The following MCFD2 variants were observed in gnomAD, a reference collection of about 807,000 sequenced individuals.
The protein encoded by MCFD2 is multiple coagulation factor deficiency 2, ER cargo receptor complex subunit.
A neutral mutation model predicts 12.8 loss-of-function variants in MCFD2; 11 were observed. That is an observed-to-expected ratio of 0.86 (90% CI 0.54 to 1.42). The LOEUF is 1.42. Among genes scored for constraint, MCFD2 ranks in the 40% most tolerant of loss-of-function variants. The pLI is 0.00. For synonymous variants in MCFD2, 70 were observed against 68.1 expected, an observed-to-expected ratio of 1.03 and a Z score of -0.14; for missense variants, 191 against 178.6, an observed-to-expected ratio of 1.07 and a Z score of -0.40.
chr2:46,905,334 G>A lies in MCFD2; in HGVS notation c.*129C>T, dbSNP rs1290748725. ...TTATCTCTTCTCACCCCAGTGTAAC[G>A]AATCGCTACAGGTTTTTACCAAAAT... On this transcript the variant is annotated 3_prime_UTR_variant, in exon 4 of 4. Transcript: ENST00000319466. The A allele has an allele frequency of 5.1e-6, 5 of 982,124 alleles. No homozygotes were observed. Among genetic ancestry groups the A allele is most frequent in the South Asian group, 2.6e-5 (2 of 77,116 alleles). The allele number at this position is 982,124 out of a possible 1,614,324, so 60.8% of individuals were successfully genotyped here.
chr2:46,917,290 G>A, upstream of MCFD2: 2 of 660,754 alleles, frequency 3.0e-6, no homozygotes. Context: ...GAGCCACCGC[G>A]CCGGGACAAA....
chr2:46,915,652 G>T, intron 1 of MCFD2, 71 bp downstream of exon 1: 1 of 545,128 alleles, frequency 1.8e-6, no homozygotes, highest in Non-Finnish European at 2.3e-6. Context: ...CTCATCTTGA[G>T]CCCAAGCCTC....
At chr2:46,916,154 C>A (rs566906542), upstream of MCFD2, 6 of 985,536 alleles carry the variant, frequency 6.1e-6, no homozygotes, top group African/African-American at 8.7e-5. Context: ...CTCCGCTCAC[C>A]CCCTCCTATA....
intron 1 of MCFD2, among the ~76,000 whole-genome samples, chr2:46,932,657 T>G (rs893519646): frequency 6.6e-6 from 1 of 151,884 alleles, no homozygotes; most frequent in East Asian, 1.9e-4. Context: ...TCCCAGCAAT[T>G]TGGGAGGCCA....
At position 46,941,796 on chromosome 2, in the gene MCFD2, C is replaced by T; in HGVS notation, c.-232G>A. Reference sequence around the variant, plus strand: ...CGCACCGCCTCCTCCAGGAAGCGCGCCCAGACAGTCCTCGGCCGACAGCGG... The same window carrying T: ...CGCACCGCCTCCTCCAGGAAGCGCGTCCAGACAGTCCTCGGCCGACAGCGG... On this transcript the variant is annotated 5_prime_UTR_variant, in exon 1 of 3. Coordinates refer to the MCFD2 transcript ENST00000409147. The surrounding 1 kb of genome is among the most constrained non-coding windows in gnomAD (Gnocchi z 4.2). 6.5e-7 allele frequency: 1 copy of T among 1,530,152 alleles called. No individual in the cohort carries two copies. Among genetic ancestry groups the T allele is most frequent in the Non-Finnish European group, 8.8e-7 (1 of 1,132,676 alleles). 94.8% of individuals were successfully genotyped at this position (1,530,152 alleles called of 1,614,324 possible).
chr2:46,909,161 CT>C lies in MCFD2; in HGVS notation c.10del (p.Arg4AspfsTer53), dbSNP rs753363693. 6.2e-7 allele frequency: 1 copy of C among 1,613,996 alleles called. No homozygotes were observed. The highest frequency in any genetic ancestry group is 1.3e-5 in the African/African-American group (1 of 75,050). ...CAGGAAGGGGGTTCTGAGCAGGGATCTCATGGTCATCAATATCTGTGAGATG... is the reference window on the plus strand; with the variant it reads ...CAGGAAGGGGGTTCTGAGCAGGGATCCATGGTCATCAATATCTGTGAGATG... MTM[R>X]SLLRTPFLCG... is the part of the protein sequence containing the mutation. On this transcript the variant is annotated frameshift_variant, in exon 2 of 4. Transcript: ENST00000319466. LOFTEE classifies it high-confidence loss of function.
rs1669618195 is a variant in MCFD2 at position 46,930,199 on chromosome 2, G to A, written c.-8+11373C>T. Among the ~76,000 whole-genome samples, 4 of 152,020 alleles carry A rather than the reference G, an allele frequency of 2.6e-5. No individual in the cohort carries two copies. In the South Asian group the frequency reaches 8.3e-4, roughly 32 times the overall value. On this transcript the variant is annotated intron_variant, in intron 1 of 2. Coordinates refer to the MCFD2 transcript ENST00000409147. ...ATGCAGTGGAAAGCAACATGTAATA[G>A]AGAGGATCATTATAAACAAAAACTG... is the stretch of plus-strand genomic sequence containing the variant.
In MCFD2 at chr2:46,905,481, A is replaced by G. The variant is rs544193642; in HGVS notation, c.423T>C (p.Phe141=). 3.1e-6 allele frequency: 5 copies of G among 1,612,846 alleles called. No homozygotes were observed. Among genetic ancestry groups the G allele is most frequent in the Non-Finnish European group, 4.2e-6 (5 of 1,179,968 alleles). Residue 141 remains phenylalanine, a synonymous_variant, in exon 4 of 4, where the codon TTT becomes TTC. Coordinates refer to ENST00000319466, the MANE Select transcript of MCFD2 (RefSeq NM_139279.6). ...ATAACATCTACTGCAGTGATTTTGC[A>G]AATTCAGCATAGTCAATGTATCCAT... The part of the protein sequence containing the change: ...NNDGYIDYAE[F]AKSLQ
At chr2:46,917,979 C>T (rs549832913), upstream of MCFD2, among the ~76,000 whole-genome samples, 32 of 152,304 alleles carry the variant, frequency 2.1e-4, 1 homozygote, top group South Asian at 4.2e-3. Flanking sequence ...TCTCTATCCA[C>T]CCTCCCTATG....
At chr2:46,935,838 C>T (rs191785195) in intron 1 of MCFD2, among the ~76,000 whole-genome samples, 1 of 152,096 alleles carries the variant, frequency 6.6e-6, no homozygotes. Flanking sequence ...ACCTATAATC[C>T]TAGAGACTAG....
chr2:46,924,246 A>G (rs868063217), intron 1 of MCFD2, among the ~76,000 whole-genome samples: 16 of 151,784 alleles, frequency 1.1e-4, no homozygotes, highest in South Asian at 6.2e-4. Flanking sequence ...CAAAAAAAAA[A>G]AATCTCAAAG....
At chr2:46,914,549 T>C (rs569386951) in intron 1 of MCFD2, among the ~76,000 whole-genome samples, 1 of 152,334 alleles carries the variant, frequency 6.6e-6, no homozygotes, top group Non-Finnish European at 1.5e-5. Context: ...GATCTATTTG[T>C]TCATCTAGGG....
upstream of MCFD2, chr2:46,915,821 C>A (rs1427006840): frequency 1.1e-4 from 22 of 197,302 alleles, no homozygotes; most frequent in Admixed American, 1.4e-4. Context: ...GCCCCCCCCC[C>A]CCCCCCGACC....
At position 46,937,345 on chromosome 2, in the gene MCFD2, G is replaced by A. The variant is rs2103863056; in HGVS notation, c.-8+4227C>T. ...CTCAGATCCACTCCCCTTTCCTCCT[G>A]GCTGGCTAGATACCCCAAAGCTCAC... On this transcript the variant is annotated intron_variant, in intron 1 of 2. Coordinates refer to the MCFD2 transcript ENST00000409147. This position sits in a 1 kb window ranked among gnomAD's most constrained non-coding sequence, Gnocchi z 4.0. Among the ~76,000 whole-genome samples the A allele has an allele frequency of 6.6e-6, 1 of 151,744 alleles. No individual in the cohort carries two copies. Among genetic ancestry groups the A allele is most frequent in the South Asian group, 2.1e-4 (1 of 4,800 alleles).
intron 1 of MCFD2, among the ~76,000 whole-genome samples, 174 bp from the exon 2 acceptor site, chr2:46,909,351 A>G (rs1282797186): frequency 6.6e-6 from 1 of 152,126 alleles, no homozygotes; most frequent in African/African-American, 2.4e-5. Flanking sequence ...GACCCTGGGC[A>G]CTCCAAGTCA....
chr2:46,917,288 G>T (rs1316634096), upstream of MCFD2: 7 of 660,920 alleles, frequency 1.1e-5, no homozygotes, highest in Non-Finnish European at 1.6e-5. Context: ...GTGAGCCACC[G>T]CGCCGGGACA....
chr2:46,937,294 C>T lies in MCFD2; in HGVS notation c.-8+4278G>A, dbSNP rs949603674. On this transcript the variant is annotated intron_variant, in intron 1 of 2. Transcript: ENST00000409147. The surrounding 1 kb of genome is among the most constrained non-coding windows in gnomAD (Gnocchi z 4.0). ...TTCTTTTCCCCTACCCTATGCTCCT[C>T]CATCTCCCTCTGCCCTTTTCTCTCC... is the stretch of plus-strand genomic sequence containing the variant. Among the ~76,000 whole-genome samples, 9 of 152,134 alleles carry T rather than the reference C, an allele frequency of 5.9e-5. No individual in the cohort carries two copies. The highest frequency in any genetic ancestry group is 2.2e-4 in the African/African-American group (9 of 41,430).
At position 46,914,507 on chromosome 2, in the gene MCFD2, CT is replaced by C. The variant is rs558968044; in HGVS notation, c.-7+1215del. ...ACGGACTGAGGGTTGAGAATTGGTT[CT>C]GAAAAAGCAGGCATTTAATATTAAT... On this transcript the variant is annotated intron_variant, in intron 1 of 3. Coordinates refer to ENST00000319466, the MANE Select transcript of MCFD2 (RefSeq NM_139279.6). 2.2e-4 allele frequency among the ~76,000 whole-genome samples: 33 copies of C among 152,312 alleles called. No homozygotes were observed. The South Asian group carries it at 6.6e-3, about 31-fold the overall frequency.
At position 46,907,739 on chromosome 2, in the gene MCFD2, A is replaced by G; in HGVS notation, c.309+71T>C. 3.3e-6 allele frequency: 5 copies of G among 1,526,832 alleles called. No individual in the cohort carries two copies. Among genetic ancestry groups the G allele is most frequent in the East Asian group, 2.2e-5 (1 of 44,496 alleles). The allele number at this position is 1,526,832 out of a possible 1,614,324, so 94.6% of individuals were successfully genotyped here. A position where few individuals can be genotyped will look rare whatever the true frequency, so the allele number is the denominator to read the frequency against. ...GCACATAAGGACAACACAAGTCAAC[A>G]AGACTGGGGACCAAATTAACAAAGG... On this transcript the variant is annotated intron_variant, in intron 3 of 3. Coordinates refer to ENST00000319466, the MANE Select transcript of MCFD2 (RefSeq NM_139279.6). This position sits in a 1 kb window ranked among gnomAD's most constrained non-coding sequence, Gnocchi z 4.1.
Sources: gnomAD v4.1 joint callset for allele counts (sites outside exome capture counted in the v4.1 genomes callset) on GRCh38, gnomAD v4.1.1 for gene constraint, Gnocchi (gnomAD v3.1) non-coding constraint, MANE v1.5 for transcripts, NCBI Gene and HGNC (gene_info 2026-07-23, HGNC 2026-07-21) for gene names.